Variants in SMOC2 observed in about 807,000 individuals in gnomAD.
SMOC2 encodes SPARC related modular calcium binding 2.
Under a neutral mutation model 61.4 loss-of-function variants are expected in SMOC2, and 39 were observed. The ratio of observed to expected loss-of-function variants is 0.64; its 90% CI spans 0.49 to 0.83. The LOEUF is 0.83. Ranked by LOEUF, SMOC2 falls within the 40% of genes least tolerant of loss-of-function variation. The pLI is 0.00. For missense variants in SMOC2, 556 were observed against 592.9 expected (o/e 0.94, Z 0.65); for synonymous variants, 247 against 239.9 (o/e 1.03, Z -0.27).
At chr6:168,627,603 A>G (rs1171355000) in intron 9 of SMOC2, among the ~76,000 whole-genome samples, 2 of 152,176 alleles carry the variant, frequency 1.3e-5, no homozygotes, top group South Asian at 4.1e-4. Flanking sequence ...CTTCCATTCA[A>G]TGGAGTGATA....
chr6:168,482,541 C>G (rs1429670601), intron 1 of SMOC2, among the ~76,000 whole-genome samples: 3 of 152,012 alleles, frequency 2.0e-5, no homozygotes, highest in Non-Finnish European at 4.4e-5. Flanking sequence ...GGAACACTTT[C>G]TAATTCTTTG....
chr6:168,570,044 G>T lies in SMOC2; in HGVS notation c.637+20841G>T, dbSNP rs1055953458. On this transcript the variant is annotated intron_variant, in intron 7 of 12. Coordinates refer to ENST00000356284, the MANE Select transcript of SMOC2 (RefSeq NM_001166412.2). ...AATTTATTAAAGGCGTAAGGTCCGTGTCTAGACGGCATTCTCTTTGTGTGC... is the reference window on the plus strand; with the variant it reads ...AATTTATTAAAGGCGTAAGGTCCGTTTCTAGACGGCATTCTCTTTGTGTGC... 7.2e-5 allele frequency among the ~76,000 whole-genome samples: 11 copies of T among 151,780 alleles called. No homozygotes were observed. The South Asian group carries it at 2.3e-3, about 32-fold the overall frequency.
chr6:168,617,046 TAAG>T (rs1786112924), intron 9 of SMOC2, among the ~76,000 whole-genome samples: 1 of 152,134 alleles, frequency 6.6e-6, no homozygotes. Flanking sequence ...AGATGAGAAC[TAAG>T]AAGGAGCGAT....
At chr6:168,460,084 A>C (rs1781687146) in intron 1 of SMOC2, among the ~76,000 whole-genome samples, 1 of 152,126 alleles carries the variant, frequency 6.6e-6, no homozygotes, top group Non-Finnish European at 1.5e-5. Context: ...AAACAGGATA[A>C]AATTTGCTTT....
In SMOC2 at chr6:168,525,055, C is replaced by T. The variant is rs187337353; in HGVS notation, c.257-1291C>T. Among the ~76,000 whole-genome samples the T allele has an allele frequency of 1.1e-3, 173 of 152,326 alleles. 2 individuals are homozygous for T. Among genetic ancestry groups the T allele is most frequent in the Non-Finnish European group, 1.9e-3 (128 of 68,032 alleles). ...ACATTTGAAGAAGAGTCCTTGGAGTCGAGACGGCCTTTGTGCTCTCTCAAG... is the reference window on the plus strand; with the variant it reads ...ACATTTGAAGAAGAGTCCTTGGAGTTGAGACGGCCTTTGTGCTCTCTCAAG... On this transcript the variant is annotated intron_variant, in intron 2 of 12. Transcript: ENST00000356284.
At position 168,628,211 on chromosome 6, in the gene SMOC2, A is replaced by G. The variant is rs537413949; in HGVS notation, c.907+19972A>G. 8.6e-4 allele frequency among the ~76,000 whole-genome samples: 131 copies of G among 152,316 alleles called. 1 individual carries two copies. Among genetic ancestry groups the G allele is most frequent in the African/African-American group, 2.9e-3 (122 of 41,582 alleles). ...CTTTGGAGAGCCTCACTTTCTGTTG[A>G]TATTTTAGCTTGACAAAACAAAGGG... On this transcript the variant is annotated intron_variant, in intron 9 of 12. Coordinates refer to ENST00000356284, the MANE Select transcript of SMOC2 (RefSeq NM_001166412.2).
intron 1 of SMOC2, among the ~76,000 whole-genome samples, chr6:168,482,092 G>T (rs938874254): frequency 1.3e-5 from 2 of 151,510 alleles, no homozygotes; most frequent in Non-Finnish European, 3.0e-5. Flanking sequence ...GAAAATTAGT[G>T]AAACAAAAAA....
At chr6:168,599,246 CCA>C (rs1262339177) in intron 8 of SMOC2, among the ~76,000 whole-genome samples, 2 of 130,426 alleles carry the variant, frequency 1.5e-5, no homozygotes, top group Non-Finnish European at 1.7e-5. Flanking sequence ...TCACACACAC[CCA>C]CACACATACC....
chr6:168,474,374 C>T (rs1782032831), intron 1 of SMOC2, among the ~76,000 whole-genome samples: 1 of 152,090 alleles, frequency 6.6e-6, no homozygotes, highest in Non-Finnish European at 1.5e-5. Flanking sequence ...TCCAGCATTT[C>T]CTGCTGCCCT....
intron 1 of SMOC2, among the ~76,000 whole-genome samples, chr6:168,492,754 C>G (rs1025171723): frequency 6.6e-6 from 1 of 152,220 alleles, no homozygotes. Flanking sequence ...GAGGCACATA[C>G]CTGTCCTGAC....
chr6:168,600,267 C>A (rs1488502910), intron 8 of SMOC2, among the ~76,000 whole-genome samples: 1 of 151,878 alleles, frequency 6.6e-6, no homozygotes, highest in East Asian at 1.9e-4. Flanking sequence ...ATTAGCTGGG[C>A]GTGGTGGTGG....
chr6:168,560,523 CTTGGAGGAGGTG>C (rs1562348277), intron 7 of SMOC2, among the ~76,000 whole-genome samples: 14 of 145,456 alleles, frequency 9.6e-5, no homozygotes, highest in South Asian at 4.4e-4. Flanking sequence ...TCACTGCGTT[CTTGGAGGAGGTG>C]TCATTTTCCT....
intron 8 of SMOC2, 36 bp from the exon 9 acceptor site, chr6:168,608,121 T>G: frequency 6.3e-7 from 1 of 1,589,016 alleles, no homozygotes; most frequent in African/African-American, 1.3e-5. Context: ...GCCCGTTGTT[T>G]TCTCTCTCCT....
chr6:168,599,922 C>T (rs1387993516), intron 8 of SMOC2, among the ~76,000 whole-genome samples: 1 of 149,264 alleles, frequency 6.7e-6, no homozygotes, highest in East Asian at 2.0e-4. Flanking sequence ...CTCACACACT[C>T]CCCTCTCATA....
intron 2 of SMOC2, among the ~76,000 whole-genome samples, chr6:168,518,480 T>C (rs1462581637): frequency 3.1e-5 from 4 of 129,600 alleles, no homozygotes. Context: ...CCTGTGAGTG[T>C]ACATATGTGA....
chr6:168,609,001 G>C (rs908179730), intron 9 of SMOC2, among the ~76,000 whole-genome samples: 1 of 152,178 alleles, frequency 6.6e-6, no homozygotes, highest in Non-Finnish European at 1.5e-5. Flanking sequence ...TGTACTATTT[G>C]TACTGTCATT....
In SMOC2 at chr6:168,543,518, A is replaced by G. The variant is rs1170838120; in HGVS notation, c.464-107A>G. ...GAATTTAAGTAGAACATGCCGAAGC[A>G]CGGCAAATTAGTCAAAATGGAGCAA... On this transcript the variant is annotated intron_variant, in intron 4 of 12. Transcript: ENST00000356284. 6 of 959,094 alleles carry G rather than the reference A, an allele frequency of 6.3e-6. No homozygotes were observed. The African/African-American group carries it at 9.8e-5, about 16-fold the overall frequency. 59.4% of individuals were successfully genotyped at this position (959,094 alleles called of 1,614,324 possible).
At chr6:168,624,826 C>T (rs1786353803) in intron 9 of SMOC2, among the ~76,000 whole-genome samples, 1 of 139,520 alleles carries the variant, frequency 7.2e-6, no homozygotes, top group Admixed American at 7.2e-5. Context: ...CATTGACATA[C>T]AGAAACACAC....
chr6:168,601,232 C>T (rs922842521), intron 8 of SMOC2, among the ~76,000 whole-genome samples: 1 of 152,214 alleles, frequency 6.6e-6, no homozygotes, highest in Non-Finnish European at 1.5e-5. Context: ...CACCCATCAC[C>T]GTCTGGCCCG....
Sources: gnomAD v4.1 joint callset for allele counts (sites outside exome capture counted in the v4.1 genomes callset) on GRCh38, gnomAD v4.1.1 for gene constraint, MANE v1.5 for transcripts, NCBI Gene and HGNC (gene_info 2026-07-23, HGNC 2026-07-21) for gene names.